Variants in HTR2C observed in about 807,000 individuals in gnomAD.
The protein encoded by HTR2C is 5-hydroxytryptamine (serotonin) receptor 2C, G protein-coupled.
A neutral mutation model predicts 21.0 loss-of-function variants in HTR2C; 5 were observed. That is an observed-to-expected ratio of 0.24 (90% CI 0.12 to 0.50). The LOEUF (loss-of-function observed/expected upper bound fraction) is 0.50, where lower values mean the gene tolerates loss of function less well. Ranked by LOEUF, HTR2C falls within the 20% of genes least tolerant of loss-of-function variation. The probability of loss-of-function intolerance (pLI) is 0.98; values close to 1 mark genes in which losing one functional copy is unlikely to be tolerated. For missense variants in HTR2C, 271 were observed against 371.2 expected (o/e 0.73, Z 2.22); for synonymous variants, 150 against 145.3 (o/e 1.03, Z -0.23).
At chrX:114,777,762 TGGCCA>T (rs1432633955) in intron 4 of HTR2C, among the ~76,000 whole-genome samples, 1 of 111,329 alleles carries the variant, frequency 9.0e-6, no homozygotes, top group Non-Finnish European at 1.9e-5. Flanking sequence ...TTCCCTGTGT[TGGCCA>T]GGCTGGTGTC....
rs1556487692 is a variant in HTR2C, at chrX:114,908,213, A to C, written c.*798A>C. On this transcript the variant is annotated 3_prime_UTR_variant, in exon 6 of 6. Transcript: ENST00000276198. ...CATTCTGGTCCTTAGTAAATTCCTA[A>C]TTCTATGATTAAACTGGGAAATGAG... The C allele has an allele frequency of 8.9e-6, 1 of 112,478 alleles. No homozygotes were observed. Among genetic ancestry groups the C allele is most frequent in the Non-Finnish European group, 1.9e-5 (1 of 53,157 alleles). 9.3% of individuals were successfully genotyped at this position (112,478 alleles called of 1,213,427 possible).
intron 4 of HTR2C, among the ~76,000 whole-genome samples, chrX:114,758,053 T>G (rs2069831172): frequency 9.0e-6 from 1 of 111,346 alleles, no homozygotes; most frequent in Non-Finnish European, 1.9e-5. Context: ...TTCCTGCAGA[T>G]TTGCTACTCT....
Position 114,889,189 on chromosome X carries a change from T to A in HTR2C, c.551-17400T>A, listed in dbSNP as rs372933566. Among the ~76,000 whole-genome samples, 5 of 112,294 alleles carry A rather than the reference T, an allele frequency of 4.5e-5. No individual in the cohort carries two copies. In the East Asian group the frequency reaches 8.4e-4, roughly 19 times the overall value. The stretch of plus-strand genomic sequence containing the variant: ...TTTCCTGAAGTAACTCTGCAGAGTG[T>A]ATATTCTTTATCAATGAAGTCTCAG... On this transcript the variant is annotated intron_variant, in intron 5 of 5. Transcript: ENST00000276198.
chrX:114,891,251 T>C (rs1356021945), intron 5 of HTR2C, among the ~76,000 whole-genome samples: 1 of 111,354 alleles, frequency 9.0e-6, no homozygotes, highest in South Asian at 3.7e-4. Context: ...CACATTTGGA[T>C]CTTTAAATCA....
intron 5 of HTR2C, among the ~76,000 whole-genome samples, chrX:114,874,340 A>G: frequency 9.0e-6 from 1 of 111,384 alleles, no homozygotes; most frequent in South Asian, 3.7e-4. Context: ...TTCTGTTTTT[A>G]AGTTTTGAGG....
intron 4 of HTR2C, among the ~76,000 whole-genome samples, chrX:114,758,251 A>C (rs2069832711): frequency 8.9e-6 from 1 of 111,774 alleles, no homozygotes; most frequent in African/African-American, 3.3e-5. Flanking sequence ...AATAATGATG[A>C]ATGTCAAACT....
chrX:114,844,423 CA>C (rs1446172694), intron 4 of HTR2C, among the ~76,000 whole-genome samples: 1 of 110,929 alleles, frequency 9.0e-6, no homozygotes, highest in Admixed American at 9.6e-5. Flanking sequence ...CAGTTAATCA[CA>C]AAAAAATCAC....
At chrX:114,789,984 G>A (rs17095563) in intron 4 of HTR2C, among the ~76,000 whole-genome samples, 2,056 of 112,036 alleles carry the variant, frequency 0.018, 48 homozygotes, top group African/African-American at 0.064. Flanking sequence ...TTTATGTGCA[G>A]GTACTTAAAG....
chrX:114,635,264 A>T (rs1057339815), intron 2 of HTR2C, among the ~76,000 whole-genome samples: 12 of 112,282 alleles, frequency 1.1e-4, no homozygotes, highest in African/African-American at 3.9e-4. Flanking sequence ...TTTTATTAAA[A>T]GCTTCAATTT....
At chrX:114,882,484 A>T (rs1556480050) in intron 5 of HTR2C, among the ~76,000 whole-genome samples, 1 of 110,566 alleles carries the variant, frequency 9.0e-6, no homozygotes, top group Non-Finnish European at 1.9e-5. Flanking sequence ...TTTTTCATAA[A>T]CGCCCTTTAC....
chrX:114,712,414 A>G (rs782604320), intron 2 of HTR2C, among the ~76,000 whole-genome samples: 5 of 111,932 alleles, frequency 4.5e-5, no homozygotes, highest in African/African-American at 1.3e-4. Context: ...TTTTCAACCT[A>G]TTTAGTCCCT....
At chrX:114,816,840 A>C (rs1015417810) in intron 4 of HTR2C, among the ~76,000 whole-genome samples, 2 of 110,800 alleles carry the variant, frequency 1.8e-5, no homozygotes, top group Non-Finnish European at 3.8e-5. Flanking sequence ...ATAAAAGTAA[A>C]TTCTGGGAAG....
At chrX:114,793,775 A>G (rs1448617888) in intron 4 of HTR2C, among the ~76,000 whole-genome samples, 1 of 110,030 alleles carries the variant, frequency 9.1e-6, no homozygotes, top group African/African-American at 3.3e-5. Context: ...TAATTCAGCC[A>G]ATATATATTA....
chrX:114,850,493 G>A (rs2070908345), intron 5 of HTR2C, among the ~76,000 whole-genome samples: 1 of 111,094 alleles, frequency 9.0e-6, no homozygotes, highest in South Asian at 3.8e-4. Flanking sequence ...CAAATTTACA[G>A]AAGATTATTA....
intron 4 of HTR2C, among the ~76,000 whole-genome samples, chrX:114,788,114 A>G (rs1344302354): frequency 1.8e-5 from 2 of 111,025 alleles, no homozygotes; most frequent in African/African-American, 6.5e-5. Flanking sequence ...TATTAATTAA[A>G]CTAAGAGAAA....
chrX:114,852,943 AGAG>A (rs1241973015), intron 5 of HTR2C, among the ~76,000 whole-genome samples: 3 of 111,749 alleles, frequency 2.7e-5, no homozygotes, highest in Non-Finnish European at 5.6e-5. Flanking sequence ...ATAAATTCTT[AGAG>A]GAGGAGTTGA....
chrX:114,842,887 A>G (rs1398204574), intron 4 of HTR2C, among the ~76,000 whole-genome samples: 4 of 111,936 alleles, frequency 3.6e-5, no homozygotes, highest in Non-Finnish European at 7.5e-5. Context: ...TTTAGCTGCC[A>G]CAGAAGACCA....
At chrX:114,740,144 A>G (rs1481595442) in intron 4 of HTR2C, among the ~76,000 whole-genome samples, 1 of 107,326 alleles carries the variant, frequency 9.3e-6, no homozygotes, top group Admixed American at 1.0e-4. Context: ...ATATATATAA[A>G]CATGTGTGAA....
intron 4 of HTR2C, among the ~76,000 whole-genome samples, chrX:114,752,363 CATT>C (rs2069768749): frequency 9.0e-6 from 1 of 111,233 alleles, no homozygotes; most frequent in South Asian, 3.8e-4. Context: ...TTACTTACAG[CATT>C]ATTATTTTTT....
Sources: gnomAD v4.1 joint callset for allele counts (sites outside exome capture counted in the v4.1 genomes callset) on GRCh38, gnomAD v4.1.1 for gene constraint, MANE v1.5 for transcripts, NCBI Gene and HGNC (gene_info 2026-07-23, HGNC 2026-07-21) for gene names.